The following MYO5C variants were observed in gnomAD, a reference collection of about 807,000 sequenced individuals.
The protein encoded by MYO5C is unconventional myosin-Vc.
In MYO5C, 194 loss-of-function variants were observed where a neutral mutation model predicts 235.7. The ratio of observed to expected loss-of-function variants is 0.82; its 90% CI spans 0.73 to 0.93. The LOEUF is 0.93. MYO5C is among the 40% of genes least tolerant of loss of function. The pLI is 0.00. For synonymous variants in MYO5C, 707 were observed against 754.8 expected (o/e 0.94, Z 1.04); for missense variants, 2,038 against 2,127.2 (o/e 0.96, Z 0.82).
chr15:52,236,562 G>C (rs1566973361), intron 22 of MYO5C, among the ~76,000 whole-genome samples: 1 of 152,178 alleles, frequency 6.6e-6, no homozygotes. Flanking sequence ...TGTAATCCCA[G>C]CTACTCGGGA....
At position 52,239,809 on chromosome 15, in the gene MYO5C, T is replaced by C. The variant is rs1317467478; in HGVS notation, c.2627A>G (p.Gln876Arg). 1 of 1,613,630 alleles carries C rather than the reference T, an allele frequency of 6.2e-7. No homozygotes were observed. Among genetic ancestry groups the C allele is most frequent in the Non-Finnish European group, 8.5e-7 (1 of 1,179,800 alleles). The change falls in exon 21 of 41, where the codon CAG becomes CGG. Residue 876 changes from glutamine to arginine, a missense_variant. Transcript: ENST00000261839. ...ARAWLARRRF[Q>R]SIRRFVLNIQ... ...ATTAAGCACGAATCGTCGGATACTC[T>C]GGAATCTGCGTCTGGCCAGCCACGC...
At chr15:52,217,898 C>A (rs970404559) in intron 32 of MYO5C, among the ~76,000 whole-genome samples, 16 of 152,122 alleles carry the variant, frequency 1.1e-4, no homozygotes, top group Admixed American at 9.2e-4. Flanking sequence ...AGGGTCCCAG[C>A]TCCTAGGAAA....
rs753658358 is a variant in MYO5C at position 52,235,783 on chromosome 15, A to G, written c.2869-20T>C. 2.5e-6 allele frequency: 4 copies of G among 1,569,680 alleles called. No homozygotes were observed. Among genetic ancestry groups the G allele is most frequent in the East Asian group, 2.3e-5 (1 of 44,422 alleles). On this transcript the variant is annotated intron_variant, in intron 22 of 40. Transcript: ENST00000261839. ...CAATTTCTAGCAGAGGGAAGGGGGA[A>G]AAACAAACTTTTTTGAAAACCTCAC...
intron 25 of MYO5C, among the ~76,000 whole-genome samples, chr15:52,228,212 C>T (rs779856664): frequency 5.9e-5 from 9 of 151,816 alleles, no homozygotes; most frequent in Non-Finnish European, 1.2e-4. Flanking sequence ...GGCGCGATCT[C>T]GGCTCACTGC....
intron 1 of MYO5C, among the ~76,000 whole-genome samples, chr15:52,284,641 T>C (rs181218990): frequency 1.3e-5 from 2 of 152,186 alleles, no homozygotes. Flanking sequence ...CTCTAGTTAA[T>C]ATGCATACTA....
chr15:52,251,641 TTTTA>T (rs201403762), intron 12 of MYO5C, 126 bp from the exon 13 acceptor site: 29,277 of 323,774 alleles, frequency 0.09, 3,692 homozygotes, highest in East Asian at 0.48. Context: ...ATTAGAGGCT[TTTTA>T]TTTATTTATT....
In MYO5C at chr15:52,237,529, G is replaced by C. The variant is rs1397146740; in HGVS notation, c.2821C>G (p.Arg941Gly). Residue 941 changes from arginine to glycine, a missense_variant, in exon 22 of 41, where the codon CGA (arginine) becomes GGA (glycine). Physicochemically the swap from Arg to Gly is moderately radical, Grantham distance 125. Coordinates refer to ENST00000261839, the MANE Select transcript of MYO5C (RefSeq NM_018728.4). ...AELEKAATHR[R>G]NYEEKGKRYR... ...CTCTTCCCCTTCTCCTCGTAATTTCGCCTGTGAGTGGCTGCTTTTTCTAGT... is the reference window on the plus strand; with the variant it reads ...CTCTTCCCCTTCTCCTCGTAATTTCCCCTGTGAGTGGCTGCTTTTTCTAGT... 6.2e-7 allele frequency: 1 copy of C among 1,613,948 alleles called. No homozygotes were observed. The highest frequency in any genetic ancestry group is 8.5e-7 in the Non-Finnish European group (1 of 1,180,000).
chr15:52,202,422 G>GA (rs1211180059), intron 38 of MYO5C, among the ~76,000 whole-genome samples: 1 of 152,116 alleles, frequency 6.6e-6, no homozygotes, highest in Non-Finnish European at 1.5e-5. Flanking sequence ...TGGTGGAAGG[G>GA]AAAAAGTACT....
chr15:52,269,736 G>A lies in MYO5C; in HGVS notation c.940+17C>T. 2 of 1,528,082 alleles carry A rather than the reference G, an allele frequency of 1.3e-6. No homozygotes were observed. Among genetic ancestry groups the A allele is most frequent in the Middle Eastern group, 1.7e-4 (1 of 5,878 alleles). The allele number at this position is 1,528,082 out of a possible 1,614,324, so 94.7% of individuals were successfully genotyped here. On this transcript the variant is annotated intron_variant, in intron 8 of 40. Transcript: ENST00000261839. ...AGAGAAAATGGCTACATACTTGGAT[G>A]GGATATTTTCCCTTACCCAGAAGCG...
chr15:52,282,135 C>G (rs1428911418), intron 2 of MYO5C, among the ~76,000 whole-genome samples: 4 of 152,178 alleles, frequency 2.6e-5, no homozygotes, highest in East Asian at 1.9e-4. Context: ...ACCACAGGAG[C>G]AACTGCTAAA....
intron 7 of MYO5C, among the ~76,000 whole-genome samples, chr15:52,270,802 ATAT>A (rs2036907623): frequency 6.6e-6 from 1 of 152,118 alleles, no homozygotes; most frequent in Non-Finnish European, 1.5e-5. Flanking sequence ...AAGGCCAAGG[ATAT>A]TACCTTCATG....
intron 37 of MYO5C, 48 bp downstream of exon 37, chr15:52,205,767 AG>A: frequency 8.2e-7 from 1 of 1,212,654 alleles, no homozygotes. Flanking sequence ...TGTTTTAAAA[AG>A]TCTTAATGTT....
In MYO5C at chr15:52,232,593, G is replaced by A. The variant is rs777226453; in HGVS notation, c.3026+29C>T. The A allele has an allele frequency of 1.9e-6, 3 of 1,605,568 alleles. No individual in the cohort carries two copies. In the Admixed American group the frequency reaches 5.0e-5, roughly 27 times the overall value. On this transcript the variant is annotated intron_variant, in intron 24 of 40. Transcript: ENST00000261839. The stretch of plus-strand genomic sequence containing the variant: ...AAACAGCACAGACAGAAGAAAGAAA[G>A]TAGCTTTAAGGCAAACTAGATTCCA...
At chr15:52,217,424 C>T (rs1195026761) in intron 32 of MYO5C, among the ~76,000 whole-genome samples, 4 of 152,174 alleles carry the variant, frequency 2.6e-5, no homozygotes, top group African/African-American at 4.8e-5. Flanking sequence ...GGATGACATG[C>T]GCAGCACACA....
intron 4 of MYO5C, 126 bp from the exon 5 acceptor site, chr15:52,275,844 T>C (rs1303818961): frequency 1.1e-6 from 1 of 906,712 alleles, no homozygotes; most frequent in African/African-American, 1.7e-5. Context: ...TTTTTAAATC[T>C]CAATCAATTT....
In MYO5C at chr15:52,225,068, TG is replaced by T. The variant is rs756894208; in HGVS notation, c.3365+6del. The T allele has an allele frequency of 3.3e-5, 53 of 1,613,954 alleles. No homozygotes were observed. The highest frequency in any genetic ancestry group is 4.5e-5 in the Non-Finnish European group (53 of 1,179,974). On this transcript the variant is annotated splice_donor_region_variant and intron_variant, in intron 27 of 40. Transcript: ENST00000261839. ...CTTAAAATGTTTGATAATGCAAAAATGATTACCTGCTTCTTACATCTTCAAT... is the reference window on the plus strand; with the variant it reads ...CTTAAAATGTTTGATAATGCAAAAATATTACCTGCTTCTTACATCTTCAAT...
intron 10 of MYO5C, among the ~76,000 whole-genome samples, chr15:52,258,761 T>C (rs2036631785): frequency 6.6e-6 from 1 of 152,218 alleles, no homozygotes; most frequent in Admixed American, 6.5e-5. Flanking sequence ...CAGGCTATTG[T>C]TAGAATTTTT....
Position 52,232,497 on chromosome 15 carries a change from T to C in MYO5C, c.3026+125A>G, listed in dbSNP as rs1003229005. On this transcript the variant is annotated intron_variant, in intron 24 of 40. Transcript: ENST00000261839. The stretch of plus-strand genomic sequence containing the variant: ...AGCTCTCATAAATCTCTAATCTCAC[T>C]TCCTAAAAACAGTCACACCCCACTT... The C allele has an allele frequency of 1.1e-5, 9 of 850,882 alleles. No homozygotes were observed. The South Asian group carries it at 1.3e-4, about 12-fold the overall frequency. The allele number at this position is 850,882 out of a possible 1,614,324, so 52.7% of individuals were successfully genotyped here. A position where few individuals can be genotyped will look rare whatever the true frequency, so the allele number is the denominator to read the frequency against.
chr15:52,265,545 T>TG (rs1331322146), intron 8 of MYO5C, among the ~76,000 whole-genome samples: 3 of 86,414 alleles, frequency 3.5e-5, no homozygotes, highest in African/African-American at 1.1e-4. Flanking sequence ...AGTTTTTTGT[T>TG]TTTTTTTTTT....
Sources: allele counts gnomAD v4.1 joint callset (sites outside exome capture counted in the v4.1 genomes callset), GRCh38; gene constraint gnomAD v4.1.1; transcripts MANE v1.5; gene names NCBI Gene and HGNC (gene_info 2026-07-23, HGNC 2026-07-21).